CD55: variants seen among roughly 807,000 people sequenced by gnomAD.
The protein encoded by CD55 is complement decay-accelerating factor.
Under a neutral mutation model 45.8 loss-of-function variants are expected in CD55, and 41 were observed. That is an observed-to-expected ratio of 0.90 (90% CI 0.70 to 1.16). The LOEUF (loss-of-function observed/expected upper bound fraction) is 1.16, where lower values mean the gene tolerates loss of function less well. Ranked by LOEUF, CD55 falls within the 50% of genes most tolerant of loss-of-function variation. The pLI, the probability that CD55 is intolerant of heterozygous loss-of-function variation, is 0.00. For missense variants in CD55, 416 were observed against 469.8 expected (o/e 0.89, Z 1.06); for synonymous variants, 181 against 181.1 (o/e 1.00, Z 0.01).
intron 6 of CD55, among the ~76,000 whole-genome samples, chr1:207,336,123 C>T (rs1655161851): frequency 6.6e-6 from 1 of 152,108 alleles, no homozygotes; most frequent in Admixed American, 6.5e-5. Flanking sequence ...AAAGTTTCAC[C>T]TGACTTGTTA....
chr1:207,342,269 T>A (rs751826526), intron 9 of CD55, among the ~76,000 whole-genome samples: 4 of 152,152 alleles, frequency 2.6e-5, no homozygotes, highest in Non-Finnish European at 5.9e-5. Flanking sequence ...AAATGAAAAC[T>A]TGGTTCTCTA....
At chr1:207,322,186 G>T (rs532311164) in intron 1 of CD55, 196 bp from the exon 2 acceptor site, 19 of 715,710 alleles carry the variant, frequency 2.7e-5, no homozygotes, top group South Asian at 2.5e-4. Context: ...CAAAAAGCTG[G>T]TCTAAAAGGA....
At chr1:207,354,104 GTAGA>G in intron 9 of CD55, 1 of 1,525,592 alleles carries the variant, frequency 6.6e-7, no homozygotes. Flanking sequence ...TTGGAGGTAG[GTAGA>G]TAGAATTCTA....
intron 9 of CD55, chr1:207,347,240 T>G: frequency 2.2e-6 from 1 of 450,670 alleles, no homozygotes; most frequent in South Asian, 1.6e-5. Flanking sequence ...CATTCATGGA[T>G]ACCAAAGGGA....
intron 5 of CD55, among the ~76,000 whole-genome samples, chr1:207,327,866 T>A (rs4844592): frequency 0.7 from 106,661 of 151,970 alleles, 37,900 homozygotes; most frequent in Middle Eastern, 0.83. Context: ...TACTACTACC[T>A]TTTTTTTCTC....
rs56253023 is a variant in CD55 at position 207,359,536 on chromosome 1, T to TTA, written c.1082-10_1082-9insTA. The TTA allele has an allele frequency of 1.3e-4, 203 of 1,541,730 alleles. No individual in the cohort carries two copies. Among genetic ancestry groups the TTA allele is most frequent in the Middle Eastern group, 1.7e-4 (1 of 5,802 alleles). ...TTTAACTTTTTTTTTTTTTTTTTTT[T>TTA]AATTTTCAGGGCACACGTGTTTCAC... On this transcript the variant is annotated splice_polypyrimidine_tract_variant and intron_variant, in intron 9 of 9. Coordinates refer to ENST00000367064, the MANE Select transcript of CD55 (RefSeq NM_000574.5).
At chr1:207,325,989 A>G (rs1190564621) in intron 4 of CD55, among the ~76,000 whole-genome samples, 1 of 145,040 alleles carries the variant, frequency 6.9e-6, no homozygotes, top group African/African-American at 2.7e-5. Context: ...TGTGATTAAT[A>G]AAAAAATTTG....
intron 6 of CD55, among the ~76,000 whole-genome samples, chr1:207,334,018 A>G (rs1465348976): frequency 6.6e-6 from 1 of 152,184 alleles, no homozygotes. Flanking sequence ...GAATTTTCCA[A>G]AACTGATAAA....
At chr1:207,346,359 G>T (rs1326974969) in intron 9 of CD55, among the ~76,000 whole-genome samples, 1 of 152,178 alleles carries the variant, frequency 6.6e-6, no homozygotes, top group Non-Finnish European at 1.5e-5. Flanking sequence ...GTACTGAGAG[G>T]GTGACGCTGG....
At chr1:207,328,527 T>C (rs6700079) in intron 5 of CD55, among the ~76,000 whole-genome samples, 105,078 of 151,942 alleles carry the variant, frequency 0.69, 36,787 homozygotes, top group Middle Eastern at 0.83. Flanking sequence ...CATTCACTAA[T>C]TGTCTATAGT....
chr1:207,322,811 A>G (rs1033223928), intron 2 of CD55, among the ~76,000 whole-genome samples: 3 of 152,208 alleles, frequency 2.0e-5, no homozygotes, highest in Non-Finnish European at 4.4e-5. Flanking sequence ...TAGAGAAAAT[A>G]AACAATAGGT....
At chr1:207,356,874 A>C (rs544965112) in intron 9 of CD55, among the ~76,000 whole-genome samples, 1 of 152,200 alleles carries the variant, frequency 6.6e-6, no homozygotes, top group South Asian at 2.1e-4. Context: ...ATTTAAATCG[A>C]CCCTCTTCTG....
chr1:207,324,771 T>C lies in CD55; in HGVS notation c.478+21T>C, dbSNP rs958787475. 8 of 1,514,946 alleles carry C rather than the reference T, an allele frequency of 5.3e-6. No homozygotes were observed. In the Admixed American group the frequency reaches 7.0e-5, roughly 13 times the overall value. 93.8% of individuals were successfully genotyped at this position (1,514,946 alleles called of 1,614,324 possible). On this transcript the variant is annotated intron_variant, in intron 3 of 9. Transcript: ENST00000367064. ...TAAAAGTGAGTAAAATTTTTTAAAG[T>C]ATTTTCAACCATCTGGTGTTTGGGG... is the stretch of plus-strand genomic sequence containing the variant.
intron 1 of CD55, 84 bp downstream of exon 1, chr1:207,321,949 C>T (rs1654427508): frequency 1.0e-6 from 1 of 998,370 alleles, no homozygotes; most frequent in Non-Finnish European, 1.4e-6. Flanking sequence ...CAGGGGCCGG[C>T]GACTTGGCAG....
chr1:207,343,154 T>C (rs2802227), intron 9 of CD55, among the ~76,000 whole-genome samples: 35,694 of 152,040 alleles, frequency 0.23, 5,526 homozygotes, highest in East Asian at 0.57. Context: ...TTCACTTTAT[T>C]GTTTTTTAGT....
chr1:207,341,128 C>T (rs1288165386), intron 9 of CD55, among the ~76,000 whole-genome samples: 3 of 152,000 alleles, frequency 2.0e-5, no homozygotes, highest in South Asian at 2.1e-4. Flanking sequence ...ATTTGTTTTT[C>T]GCTAGTAAGT....
intron 9 of CD55, among the ~76,000 whole-genome samples, chr1:207,351,996 C>G (rs1400001911): frequency 6.6e-6 from 1 of 152,098 alleles, no homozygotes; most frequent in African/African-American, 2.4e-5. Flanking sequence ...AATGAGGTTA[C>G]TCTTCTTTAA....
chr1:207,338,393 A>C (rs984881459), intron 8 of CD55, among the ~76,000 whole-genome samples: 1 of 152,126 alleles, frequency 6.6e-6, no homozygotes, highest in African/African-American at 2.4e-5. Flanking sequence ...TCTTGGTCTA[A>C]AATTTCTAGG....
At chr1:207,322,717 T>C (rs929127674) in intron 2 of CD55, 150 bp downstream of exon 2, 2 of 629,908 alleles carry the variant, frequency 3.2e-6, no homozygotes, top group Non-Finnish European at 5.3e-6. Context: ...CTCCAGCTAA[T>C]TGAAGACATT....
Sources: gnomAD v4.1 joint callset for allele counts (sites outside exome capture counted in the v4.1 genomes callset) on GRCh38, gnomAD v4.1.1 for gene constraint, MANE v1.5 for transcripts, NCBI Gene and HGNC (gene_info 2026-07-23, HGNC 2026-07-21) for gene names.